Variants in SEPTIN9 observed in about 807,000 individuals in gnomAD.
The protein encoded by SEPTIN9 is septin 9.
A neutral mutation model predicts 56.6 loss-of-function variants in SEPTIN9; 13 were observed. The observed-to-expected ratio is 0.23, with a 90% CI of 0.15 to 0.37. SEPTIN9 has a LOEUF of 0.37. Ranked by LOEUF, SEPTIN9 falls within the 10% of genes least tolerant of loss-of-function variation. SEPTIN9 has a pLI of 1.00. For synonymous variants in SEPTIN9, 332 were observed against 334.1 expected, an observed-to-expected ratio of 0.99 and a Z score of 0.07; for missense variants, 650 against 823.1, an observed-to-expected ratio of 0.79 and a Z score of 2.57.
chr17:77,444,392 T>A (rs1030741444), intron 3 of SEPTIN9, among the ~76,000 whole-genome samples: 5 of 150,586 alleles, frequency 3.3e-5, no homozygotes, highest in Non-Finnish European at 5.9e-5. Context: ...AAACTAACCT[T>A]GTGGGGTCTG....
At chr17:77,457,489 G>A (rs2038261900) in intron 3 of SEPTIN9, among the ~76,000 whole-genome samples, 1 of 152,320 alleles carries the variant, frequency 6.6e-6, no homozygotes, top group South Asian at 2.1e-4. Context: ...AGCGAGTTCC[G>A]TGTTTATGCG....
At chr17:77,392,889 C>G (rs988469216) in intron 2 of SEPTIN9, among the ~76,000 whole-genome samples, 2 of 152,150 alleles carry the variant, frequency 1.3e-5, no homozygotes, top group Non-Finnish European at 2.9e-5. Flanking sequence ...TTGCAGGCTC[C>G]GCTCAGCTTC....
At chr17:77,386,206 C>T (rs1434497468) in intron 2 of SEPTIN9, among the ~76,000 whole-genome samples, 1 of 152,198 alleles carries the variant, frequency 6.6e-6, no homozygotes, top group Non-Finnish European at 1.5e-5. Flanking sequence ...TCCTGCAGCC[C>T]TGTGCCCCAC....
At position 77,405,896 on chromosome 17, in the gene SEPTIN9, C is replaced by T. The variant is rs961783252; in HGVS notation, c.721+3193C>T. On this transcript the variant is annotated intron_variant, in intron 3 of 11. Transcript: ENST00000427177. The surrounding 1 kb of genome is among the most constrained non-coding windows in gnomAD (Gnocchi z 5.8). ...GGAGTTCCCTGAGCCCCGACATGCACAGCTCTGACCAATCTCTGCGGCCCC... is the reference window on the plus strand; with the variant it reads ...GGAGTTCCCTGAGCCCCGACATGCATAGCTCTGACCAATCTCTGCGGCCCC... Among the ~76,000 whole-genome samples, 6 of 152,234 alleles carry T rather than the reference C, an allele frequency of 3.9e-5. No homozygotes were observed. The highest frequency in any genetic ancestry group is 1.2e-4 in the African/African-American group (5 of 41,458).
intron 3 of SEPTIN9, chr17:77,472,644 C>T (rs943526848): frequency 2.6e-5 from 4 of 152,180 alleles, no homozygotes; most frequent in Non-Finnish European, 5.9e-5. Flanking sequence ...AGCTCTTTGC[C>T]TTTGCAAATC....
chr17:77,475,978 A>G lies in SEPTIN9; in HGVS notation c.722-6166A>G, dbSNP rs1322982708. On this transcript the variant is annotated intron_variant, in intron 3 of 11. Transcript: ENST00000427177. This position sits in a 1 kb window ranked among gnomAD's most constrained non-coding sequence, Gnocchi z 4.6. The stretch of plus-strand genomic sequence containing the variant: ...GGTTGGGTTTGGGGAAGACAGGGGA[A>G]TGGCATTGACTTGACCCTGAGCACT... 7.7e-5 allele frequency: 114 copies of G among 1,487,660 alleles called. No homozygotes were observed. Among genetic ancestry groups the G allele is most frequent in the Non-Finnish European group, 1.0e-4 (110 of 1,087,782 alleles). The allele number at this position is 1,487,660 out of a possible 1,614,324, so 92.2% of individuals were successfully genotyped here.
chr17:77,406,832 G>A (rs564027049), intron 3 of SEPTIN9, among the ~76,000 whole-genome samples: 8 of 152,144 alleles, frequency 5.3e-5, no homozygotes, highest in Non-Finnish European at 1.0e-4. Context: ...TACCACGCCT[G>A]GCTAACTTTT....
At chr17:77,373,255 C>T in intron 2 of SEPTIN9, 1 of 1,128,046 alleles carries the variant, frequency 8.9e-7, no homozygotes, top group Non-Finnish European at 1.1e-6. Context: ...GGTGCGGGTG[C>T]GGGAACCTGA....
At chr17:77,378,647 T>C (rs1017363423) in intron 2 of SEPTIN9, among the ~76,000 whole-genome samples, 1 of 152,180 alleles carries the variant, frequency 6.6e-6, no homozygotes, top group Non-Finnish European at 1.5e-5. Context: ...CCACTAATTA[T>C]GGAAAGCACG....
Position 77,435,489 on chromosome 17 carries a change from C to T in SEPTIN9, c.721+32786C>T, listed in dbSNP as rs569227824. 9.8e-5 allele frequency among the ~76,000 whole-genome samples: 15 copies of T among 152,320 alleles called. No homozygotes were observed. Among genetic ancestry groups the T allele is most frequent in the Non-Finnish European group, 1.6e-4 (11 of 68,016 alleles). Reference sequence around the variant, plus strand: ...AGGGGGAGAAGTAGAGCAACCATGCCGGGCGGGTCGTCGTGCCCCAGTGCC... The same window carrying T: ...AGGGGGAGAAGTAGAGCAACCATGCTGGGCGGGTCGTCGTGCCCCAGTGCC... On this transcript the variant is annotated intron_variant, in intron 3 of 11. Transcript: ENST00000427177. This position sits in a 1 kb window ranked among gnomAD's most constrained non-coding sequence, Gnocchi z 4.5.
intron 3 of SEPTIN9, among the ~76,000 whole-genome samples, chr17:77,422,310 C>T (rs1265270967): frequency 2.0e-5 from 3 of 152,240 alleles, no homozygotes; most frequent in Admixed American, 1.3e-4. Context: ...GGTGAAGAAG[C>T]AGGCAGAACG....
chr17:77,475,646 T>C lies in SEPTIN9; in HGVS notation c.722-6498T>C, dbSNP rs763117412. ...CTGGAGGCTGCTCCAGTGTGCATTG[T>C]TACGAGGCAAAGTAAGGAGACTGCT... On this transcript the variant is annotated intron_variant, in intron 3 of 11. Coordinates refer to ENST00000427177, the MANE Select transcript of SEPTIN9 (RefSeq NM_001113491.2). The surrounding 1 kb of genome is among the most constrained non-coding windows in gnomAD (Gnocchi z 4.6). 6.2e-7 allele frequency: 1 copy of C among 1,613,758 alleles called. No homozygotes were observed. The highest frequency in any genetic ancestry group is 1.7e-5 in the Admixed American group (1 of 60,008).
At chr17:77,424,856 C>T (rs540786606) in intron 3 of SEPTIN9, among the ~76,000 whole-genome samples, 7 of 152,260 alleles carry the variant, frequency 4.6e-5, no homozygotes, top group Admixed American at 2.0e-4. Context: ...AATGGGCATC[C>T]GGGCACTGAG....
At position 77,313,184 on chromosome 17, in the gene SEPTIN9, C is replaced by G. The variant is rs1436272116; in HGVS notation, c.76+5987C>G. Among the ~76,000 whole-genome samples the G allele has an allele frequency of 6.6e-6, 1 of 152,238 alleles. No homozygotes were observed. Among genetic ancestry groups the G allele is most frequent in the African/African-American group, 2.4e-5 (1 of 41,466 alleles). On this transcript the variant is annotated intron_variant, in intron 2 of 11. Transcript: ENST00000427177. The surrounding 1 kb of genome is among the most constrained non-coding windows in gnomAD (Gnocchi z 4.5). ...GCAAGGGCCCTTGGCCTCTGCACCC[C>G]CAGACCTCCCTCGCTCTGCAGGGGC...
intron 1 of SEPTIN9, among the ~76,000 whole-genome samples, chr17:77,302,598 A>G (rs538959945): frequency 4.2e-4 from 64 of 152,262 alleles, no homozygotes; most frequent in African/African-American, 1.3e-3. Context: ...GAATCACTTG[A>G]ACCTGGGAGG....
chr17:77,459,259 C>T (rs772321738), intron 3 of SEPTIN9, among the ~76,000 whole-genome samples: 21 of 152,238 alleles, frequency 1.4e-4, no homozygotes, highest in South Asian at 2.1e-4. Flanking sequence ...CAGGGTTAGC[C>T]GTTGACCTGA....
At chr17:77,423,328 G>T (rs1424969187) in intron 3 of SEPTIN9, among the ~76,000 whole-genome samples, 1 of 152,208 alleles carries the variant, frequency 6.6e-6, no homozygotes, top group Non-Finnish European at 1.5e-5. Context: ...GAGCCACTGC[G>T]CCCGGCCTGA....
rs1183860566 is a variant in SEPTIN9 at position 77,434,744 on chromosome 17, G to A, written c.721+32041G>A. Reference sequence around the variant, plus strand: ...TGAAGGAGCGTGTGGAAGCCTGGGTGTGATGAAGGCAAGGACCGGTGGCTC... The same window carrying A: ...TGAAGGAGCGTGTGGAAGCCTGGGTATGATGAAGGCAAGGACCGGTGGCTC... On this transcript the variant is annotated intron_variant, in intron 3 of 11. Transcript: ENST00000427177. This position sits in a 1 kb window ranked among gnomAD's most constrained non-coding sequence, Gnocchi z 5.0. 6.6e-6 allele frequency among the ~76,000 whole-genome samples: 1 copy of A among 152,230 alleles called. No homozygotes were observed. Among genetic ancestry groups the A allele is most frequent in the Non-Finnish European group, 1.5e-5 (1 of 68,046 alleles).
In SEPTIN9 at chr17:77,421,004, C is replaced by T. The variant is rs2036681777; in HGVS notation, c.721+18301C>T. 2.6e-5 allele frequency among the ~76,000 whole-genome samples: 4 copies of T among 152,194 alleles called. No individual in the cohort carries two copies. In the South Asian group the frequency reaches 8.3e-4, roughly 31 times the overall value. ...CACAGTTAAGTGTCTGGATTTGAACCCTGGAGCAGCCTGGCTGCTGAGCTG... is the reference window on the plus strand; with the variant it reads ...CACAGTTAAGTGTCTGGATTTGAACTCTGGAGCAGCCTGGCTGCTGAGCTG... On this transcript the variant is annotated intron_variant, in intron 3 of 11. Coordinates refer to ENST00000427177, the MANE Select transcript of SEPTIN9 (RefSeq NM_001113491.2). The surrounding 1 kb of genome is among the most constrained non-coding windows in gnomAD (Gnocchi z 4.6).
Sources: gnomAD v4.1 joint callset for allele counts (sites outside exome capture counted in the v4.1 genomes callset) on GRCh38, gnomAD v4.1.1 for gene constraint, Gnocchi (gnomAD v3.1) non-coding constraint, MANE v1.5 for transcripts, NCBI Gene and HGNC (gene_info 2026-07-23, HGNC 2026-07-21) for gene names.